RANBP2: variants seen among roughly 807,000 people sequenced by gnomAD.
RANBP2 encodes the protein RAN binding protein 2.
RANBP2 carries 57 observed loss-of-function variants against 303.6 expected under a neutral mutation model. The ratio of observed to expected loss-of-function variants is 0.19; its 90% CI spans 0.15 to 0.23. RANBP2 has a LOEUF of 0.23. Ranked by LOEUF, RANBP2 falls within the 10% of genes least tolerant of loss-of-function variation. RANBP2 has a pLI of 1.00. For missense variants in RANBP2, 3,138 were observed against 3,780.8 expected, an observed-to-expected ratio of 0.83 and a Z score of 4.46; for synonymous variants, 1,167 against 1,301.5, an observed-to-expected ratio of 0.90 and a Z score of 2.23.
chr2:109,155,664 G>T, the RANBP2 span, among the ~76,000 whole-genome samples: 2 of 152,188 alleles, frequency 1.3e-5, no homozygotes, highest in South Asian at 4.1e-4. Context: ...TGCCTGGCCT[G>T]TAACTCCATC....
chr2:109,368,016 T>C, the RANBP2 span, among the ~76,000 whole-genome samples: 2 of 152,276 alleles, frequency 1.3e-5, no homozygotes, highest in East Asian at 3.8e-4. Context: ...AAGGGGAATC[T>C]TCCTGTTTAA....
the RANBP2 span, chr2:109,574,443 T>TAAAAAAAAAAAAAAAAAAAAAATAA: frequency 4.0e-6 from 1 of 252,296 alleles, no homozygotes; most frequent in Non-Finnish European, 6.2e-6. Context: ...ACTTTATCTC[T>TAAAAAAAAAAAAAAAAAAAAAATAA]AAAAAAAAAA....
At chr2:109,515,528 C>A in the RANBP2 span, among the ~76,000 whole-genome samples, 1 of 152,096 alleles carries the variant, frequency 6.6e-6, no homozygotes, top group Non-Finnish European at 1.5e-5. Flanking sequence ...GATCTCAAAC[C>A]CACCTCCCCA....
At chr2:109,702,735 C>T in the RANBP2 span, among the ~76,000 whole-genome samples, 17 of 151,922 alleles carry the variant, frequency 1.1e-4, no homozygotes, top group South Asian at 1.0e-3. Flanking sequence ...GCTAGGCTGA[C>T]GGTCACAGCC....
chr2:109,359,041 T>G, the RANBP2 span, among the ~76,000 whole-genome samples: 2 of 152,246 alleles, frequency 1.3e-5, no homozygotes, highest in Non-Finnish European at 2.9e-5. Context: ...AAACTATCTT[T>G]TCTCCATTGT....
the RANBP2 span, among the ~76,000 whole-genome samples, chr2:109,451,649 A>G: frequency 6.6e-6 from 1 of 152,260 alleles, no homozygotes; most frequent in Non-Finnish European, 1.5e-5. Flanking sequence ...GACACTTTGT[A>G]AATATTTCGC....
the RANBP2 span, among the ~76,000 whole-genome samples, chr2:109,458,241 A>G: frequency 6.6e-6 from 1 of 152,174 alleles, no homozygotes; most frequent in Non-Finnish European, 1.5e-5. Flanking sequence ...TGTATATAGC[A>G]TGAGAATGAA....
chr2:109,221,602 A>AG, the RANBP2 span, among the ~76,000 whole-genome samples: 1 of 149,564 alleles, frequency 6.7e-6, no homozygotes, highest in Non-Finnish European at 1.5e-5. Flanking sequence ...AAAAAAAAAA[A>AG]GTGTGCATCT....
the RANBP2 span, among the ~76,000 whole-genome samples, chr2:109,396,162 C>T: frequency 6.6e-6 from 1 of 152,290 alleles, no homozygotes; most frequent in East Asian, 1.9e-4. Context: ...CACTGGGGTC[C>T]AGAAAGCTGG....
chr2:109,249,207 T>A, the RANBP2 span, among the ~76,000 whole-genome samples: 3 of 152,206 alleles, frequency 2.0e-5, no homozygotes, highest in African/African-American at 7.2e-5. Context: ...TAACTTCAGC[T>A]AAGCAACTCC....
intron 1 of RANBP2, among the ~76,000 whole-genome samples, chr2:108,727,855 GGTCTCCGAAA>G (rs1451674070): frequency 2.6e-5 from 4 of 152,052 alleles, no homozygotes; most frequent in Non-Finnish European, 4.4e-5. Context: ...CGCCCGCCTC[GGTCTCCGAAA>G]GTGCTGGGAT....
the RANBP2 span, among the ~76,000 whole-genome samples, chr2:109,455,373 C>A: frequency 6.6e-6 from 1 of 152,202 alleles, no homozygotes; most frequent in Non-Finnish European, 1.5e-5. Context: ...CCGACATAAT[C>A]AAGACTGCAA....
the RANBP2 span, among the ~76,000 whole-genome samples, chr2:109,593,434 C>T: frequency 7.3e-5 from 8 of 109,504 alleles, no homozygotes; most frequent in African/African-American, 1.5e-4. Context: ...GAGACGGCAT[C>T]TTGCTCTGTC....
Position 108,762,177 on chromosome 2 carries a change from T to A in RANBP2, c.2679T>A (p.Ala893=). The change falls in exon 19 of 29, where the codon GCT becomes GCA. Residue 893 remains alanine, a synonymous_variant. Coordinates refer to ENST00000283195, the MANE Select transcript of RANBP2 (RefSeq NM_006267.5). ...CCCAGTATCTTCTCAGACCAGCAGC[T>A]AATGTTACTCCCACAAAGGTAACAA... ...YNSQYLLRPA[A]NVTPTKGPVY... is the part of the protein sequence containing the mutation. 4.4e-6 allele frequency: 7 copies of A among 1,592,132 alleles called. No individual in the cohort carries two copies. The highest frequency in any genetic ancestry group is 5.9e-6 in the Non-Finnish European group (7 of 1,177,840).
At chr2:108,789,531 T>C (rs1573897680), downstream of RANBP2, among the ~76,000 whole-genome samples, 5 of 152,062 alleles carry the variant, frequency 3.3e-5, 1 homozygote, top group Admixed American at 3.3e-4. Flanking sequence ...GAGGTGGAGG[T>C]TGCAGTGAGC....
chr2:109,264,433 C>A, the RANBP2 span, among the ~76,000 whole-genome samples: 2 of 152,228 alleles, frequency 1.3e-5, no homozygotes, highest in Non-Finnish European at 2.9e-5. Context: ...CCACGATCCA[C>A]CCCAAGTCTG....
At chr2:109,542,355 C>A in the RANBP2 span, among the ~76,000 whole-genome samples, 3 of 152,166 alleles carry the variant, frequency 2.0e-5, no homozygotes, top group South Asian at 6.2e-4. Context: ...CAGTACAAAA[C>A]GACCGCCCTG....
At chr2:109,131,698 A>G in the RANBP2 span, among the ~76,000 whole-genome samples, 1 of 152,310 alleles carries the variant, frequency 6.6e-6, no homozygotes, top group East Asian at 1.9e-4. Context: ...AGAACTTGTC[A>G]AAGGGGTTGA....
chr2:108,721,299 T>C (rs1382761679), intron 1 of RANBP2, among the ~76,000 whole-genome samples: 1 of 152,158 alleles, frequency 6.6e-6, no homozygotes, highest in Non-Finnish European at 1.5e-5. Context: ...AGTCTATTCC[T>C]CCAGAGGAGG....
Sources: gnomAD v4.1 joint callset for allele counts (sites outside exome capture counted in the v4.1 genomes callset) on GRCh38, gnomAD v4.1.1 for gene constraint, MANE v1.5 for transcripts, NCBI Gene and HGNC (gene_info 2026-07-23, HGNC 2026-07-21) for gene names.